The following AFF2 variants were observed in gnomAD, a reference collection of about 807,000 sequenced individuals.
AFF2 encodes AF4/FMR2 family member 2.
AFF2 carries 14 observed loss-of-function variants against 76.9 expected under a neutral mutation model. The observed-to-expected ratio is 0.18, with a 90% confidence interval of 0.12 to 0.28. The LOEUF is 0.28. Among genes scored for constraint, AFF2 ranks in the 10% least tolerant of loss-of-function variants. The probability of loss-of-function intolerance (pLI) is 1.00; values close to 1 mark genes in which losing one functional copy is unlikely to be tolerated. For missense variants in AFF2, 868 were observed against 1,001.1 expected, an observed-to-expected ratio of 0.87 and a Z score of 1.79; for synonymous variants, 398 against 366.7, an observed-to-expected ratio of 1.09 and a Z score of -0.98.
At chrX:148,539,461 A>G (rs1417965327) in intron 1 of AFF2, among the ~76,000 whole-genome samples, 14 of 111,251 alleles carry the variant, frequency 1.3e-4, no homozygotes, top group African/African-American at 4.6e-4. Flanking sequence ...TATACAGGCA[A>G]ATAATAATGT....
intron 1 of AFF2, among the ~76,000 whole-genome samples, chrX:148,598,384 C>A (rs2017652996): frequency 9.0e-6 from 1 of 111,231 alleles, no homozygotes; most frequent in African/African-American, 3.3e-5. Context: ...TCCCCCTCCC[C>A]ATAAATGAAT....
At chrX:148,524,156 T>G (rs1557234932) in intron 1 of AFF2, among the ~76,000 whole-genome samples, 1 of 100,908 alleles carries the variant, frequency 9.9e-6, no homozygotes, top group African/African-American at 3.6e-5. Context: ...TGTGTGTGTG[T>G]GGTTTGAAAA....
intron 18 of AFF2, 33 bp downstream of exon 18, chrX:148,978,488 GGAT>G (rs1557290550): frequency 4.0e-6 from 4 of 990,465 alleles, no homozygotes; most frequent in Non-Finnish European, 5.7e-6. Flanking sequence ...TATAGGTACA[GGAT>G]GATAAAATCA....
intron 11 of AFF2, 147 bp from the exon 12 acceptor site, chrX:148,958,190 T>C (rs1391262310): frequency 8.5e-6 from 7 of 821,792 alleles, no homozygotes; most frequent in Non-Finnish European, 1.2e-5. Flanking sequence ...TTCTGTCTGA[T>C]CAAAGGTGCA....
At chrX:148,504,288 T>C (rs1439470778) in intron 1 of AFF2, among the ~76,000 whole-genome samples, 1 of 109,804 alleles carries the variant, frequency 9.1e-6, no homozygotes, top group African/African-American at 3.3e-5. Context: ...CTTTTCTTCA[T>C]TGGAAGGAAG....
intron 1 of AFF2, among the ~76,000 whole-genome samples, chrX:148,617,839 A>G (rs915104280): frequency 1.7e-4 from 19 of 112,415 alleles, no homozygotes; most frequent in Non-Finnish European, 3.4e-4. Flanking sequence ...AAGAGATACA[A>G]CAAAGTTCCT....
At chrX:148,598,555 G>A (rs1163535310) in intron 1 of AFF2, among the ~76,000 whole-genome samples, 1 of 112,035 alleles carries the variant, frequency 8.9e-6, no homozygotes, top group Non-Finnish European at 1.9e-5. Context: ...CATGCCATGG[G>A]AAACCAGAAT....
intron 7 of AFF2, 39 bp from the exon 8 acceptor site, chrX:148,885,850 A>G: frequency 9.3e-7 from 1 of 1,079,869 alleles, no homozygotes; most frequent in Non-Finnish European, 1.3e-6. Flanking sequence ...TTTAGAAAAT[A>G]TGCCTTCTAA....
chrX:148,521,512 A>C (rs1282184726), intron 1 of AFF2, among the ~76,000 whole-genome samples: 3 of 111,285 alleles, frequency 2.7e-5, no homozygotes, highest in Non-Finnish European at 5.7e-5. Flanking sequence ...CGTAGGAGGT[A>C]GTTTTTGTTA....
intron 1 of AFF2, among the ~76,000 whole-genome samples, chrX:148,647,621 A>G (rs1557255640): frequency 9.0e-6 from 1 of 111,662 alleles, no homozygotes; most frequent in African/African-American, 3.3e-5. Context: ...GTCCTAAGGA[A>G]AGGTGACCAA....
At chrX:148,539,427 T>C (rs2052827673) in intron 1 of AFF2, among the ~76,000 whole-genome samples, 3 of 111,523 alleles carry the variant, frequency 2.7e-5, no homozygotes, top group Non-Finnish European at 5.6e-5. Context: ...TCCTCATCTG[T>C]AAAATGAGGA....
At chrX:148,510,140 A>C (rs1035515640) in intron 1 of AFF2, among the ~76,000 whole-genome samples, 8 of 112,110 alleles carry the variant, frequency 7.1e-5, no homozygotes, top group Non-Finnish European at 1.3e-4. Context: ...GCCCAGAATA[A>C]TAACCTAATG....
chrX:148,647,757 C>T (rs1437806705), intron 1 of AFF2, among the ~76,000 whole-genome samples: 2 of 110,790 alleles, frequency 1.8e-5, no homozygotes, highest in East Asian at 2.8e-4. Context: ...CTGACAAACC[C>T]GCTGTGAGGC....
intron 1 of AFF2, among the ~76,000 whole-genome samples, chrX:148,505,773 C>G (rs557140144): frequency 8.9e-6 from 1 of 112,018 alleles, no homozygotes; most frequent in East Asian, 2.8e-4. Context: ...TAGCCTGTCA[C>G]GTAGACAAAA....
chrX:148,637,277 T>A (rs2054041638), intron 1 of AFF2, among the ~76,000 whole-genome samples: 1 of 111,909 alleles, frequency 8.9e-6, no homozygotes, highest in Non-Finnish European at 1.9e-5. Context: ...GACAATACAA[T>A]GGTCATGAAA....
chrX:148,955,848 T>A lies in AFF2; in HGVS notation c.1803T>A (p.Thr601=). The A allele has an allele frequency of 8.3e-7, 1 of 1,210,816 alleles. No homozygotes were observed. The change falls in exon 11 of 21, where the codon ACT becomes ACA. Residue 601 remains threonine, a synonymous_variant. Transcript: ENST00000370460. ...LIREKARPRP[T]QKIPETKALK... The stretch of plus-strand genomic sequence containing the variant: ...GGGAGAAAGCCCGTCCACGGCCCAC[T>A]CAGAAAATTCCAGAAACAAAGGCTT...
intron 1 of AFF2, among the ~76,000 whole-genome samples, chrX:148,521,400 ACACACACACACT>A (rs1557234472): frequency 0.29 from 30,130 of 105,608 alleles, 3,253 homozygotes; most frequent in Non-Finnish European, 0.32. Flanking sequence ...ACACACACAC[ACACACACACACT>A]CACTGAGACT....
intron 9 of AFF2, among the ~76,000 whole-genome samples, chrX:148,942,686 C>G (rs1557285696): frequency 9.1e-6 from 1 of 110,224 alleles, no homozygotes; most frequent in Non-Finnish European, 1.9e-5. Flanking sequence ...CATGGTGGCA[C>G]ACACTTGTGG....
At chrX:148,524,767 A>G (rs2052640368) in intron 1 of AFF2, among the ~76,000 whole-genome samples, 2 of 112,156 alleles carry the variant, frequency 1.8e-5, no homozygotes, top group Admixed American at 9.5e-5. Flanking sequence ...CATCTTCCAG[A>G]GAGCAGGCAG....
Sources: allele counts gnomAD v4.1 joint callset (sites outside exome capture counted in the v4.1 genomes callset), GRCh38; gene constraint gnomAD v4.1.1; transcripts MANE v1.5; gene names NCBI Gene and HGNC (gene_info 2026-07-23, HGNC 2026-07-21).